ADAR: variants seen among roughly 807,000 people sequenced by gnomAD.
ADAR encodes the protein double-stranded RNA-specific adenosine deaminase.
In ADAR, 41 loss-of-function variants were observed where a neutral mutation model predicts 113.2. The observed-to-expected ratio is 0.36, with a 90% CI of 0.28 to 0.47. ADAR has a LOEUF of 0.47. Ranked by LOEUF, ADAR falls within the 20% of genes least tolerant of loss-of-function variation. The pLI, the probability that ADAR is intolerant of heterozygous loss-of-function variation, is 1.00. For missense variants in ADAR, 1,242 were observed against 1,540.9 expected, an observed-to-expected ratio of 0.81 and a Z score of 3.25; for synonymous variants, 605 against 572.6, an observed-to-expected ratio of 1.06 and a Z score of -0.81.
At chr1:154,605,607 A>G (rs1226183622) in intron 1 of ADAR, among the ~76,000 whole-genome samples, 2 of 152,114 alleles carry the variant, frequency 1.3e-5, no homozygotes, top group East Asian at 3.8e-4. Context: ...CTATGCTTCA[A>G]TCATCTCAAC....
chr1:154,598,658 A>G lies in ADAR; in HGVS notation c.1602-73T>C, dbSNP rs1426305459. The G allele has an allele frequency of 3.3e-6, 5 of 1,531,346 alleles. No homozygotes were observed. In the East Asian group the frequency reaches 1.1e-4, roughly 34 times the overall value. The allele number at this position is 1,531,346 out of a possible 1,614,324, so 94.9% of individuals were successfully genotyped here. On this transcript the variant is annotated intron_variant, in intron 2 of 14. Coordinates refer to ENST00000368474, the MANE Select transcript of ADAR (RefSeq NM_001111.5). ...TTCTGCCTTCTCCAAAGAGACCTTC[A>G]ACCTGGAATTTTCTGCTACGCTAAG...
chr1:154,601,038 T>C lies in ADAR; in HGVS notation c.1601+3A>G. 1 of 1,614,092 alleles carries C rather than the reference T, an allele frequency of 6.2e-7. No homozygotes were observed. Among genetic ancestry groups the C allele is most frequent in the Non-Finnish European group, 8.5e-7 (1 of 1,180,020 alleles). The stretch of plus-strand genomic sequence containing the variant: ...TAGGTACAGTTCCTGGGTGGTCTCT[T>C]ACCGAGGTTCATGGGGTGGTCCACT... On this transcript the variant is annotated splice_donor_region_variant and intron_variant, in intron 2 of 14. Coordinates refer to ENST00000368474, the MANE Select transcript of ADAR (RefSeq NM_001111.5). This position sits in a 1 kb window ranked among gnomAD's most constrained non-coding sequence, Gnocchi z 4.7.
In ADAR at chr1:154,605,902, T is replaced by C. The variant is rs963540154; in HGVS notation, c.15+2090A>G. 7.8e-5 allele frequency: 65 copies of C among 830,672 alleles called. 1 individual carries two copies. Among genetic ancestry groups the C allele is most frequent in the Non-Finnish European group, 9.3e-5 (64 of 688,846 alleles). 51.5% of individuals were successfully genotyped at this position (830,672 alleles called of 1,614,324 possible). A position where few individuals can be genotyped will look rare whatever the true frequency, so the allele number is the denominator to read the frequency against. ...GCTAGAGTCAGTTAAAAGCTAAATG[T>C]TTTTTAAACTGCTACTCTTGGCCCA... On this transcript the variant is annotated intron_variant, in intron 1 of 14. Transcript: ENST00000368474.
At chr1:154,614,697 A>G (rs1267450490) in intron 1 of ADAR, among the ~76,000 whole-genome samples, 1 of 152,218 alleles carries the variant, frequency 6.6e-6, no homozygotes, top group East Asian at 1.9e-4. Flanking sequence ...AAATCTCCCT[A>G]GTCTTAATTG....
chr1:154,604,945 A>C (rs1698099434), intron 1 of ADAR, among the ~76,000 whole-genome samples: 1 of 152,150 alleles, frequency 6.6e-6, no homozygotes, highest in African/African-American at 2.4e-5. Flanking sequence ...CCATAACTCA[A>C]ACAGCACATA....
At chr1:154,612,174 C>A (rs1056048492), upstream of ADAR, among the ~76,000 whole-genome samples, 1 of 152,170 alleles carries the variant, frequency 6.6e-6, no homozygotes, top group Non-Finnish European at 1.5e-5. Flanking sequence ...ATTGGAACAT[C>A]TATCTCCTGT....
At position 154,602,484 on chromosome 1, in the gene ADAR, T is replaced by G; in HGVS notation, c.158A>C (p.Glu53Ala). ...QIEFLKGQLP[E>A]APVIGKQTPS... The stretch of plus-strand genomic sequence containing the variant: ...TGTCTGCTTTCCAATCACCGGTGCT[T>G]CTGGGAGCTGCCCCTTGAGAAATTC... The change falls in exon 2 of 15, where the codon GAA (glutamate) becomes GCA (alanine). Residue 53 changes from glutamate (E) to alanine (A), a missense_variant. Glu to Ala is a moderately radical substitution (Grantham distance 107). This residue lies in a region of ADAR where 462 missense variants were observed against 483.1 expected (regional missense o/e 0.96). Transcript: ENST00000368474. The G allele has an allele frequency of 6.2e-7, 1 of 1,614,146 alleles. No individual in the cohort carries two copies. Among genetic ancestry groups the G allele is most frequent in the Non-Finnish European group, 8.5e-7 (1 of 1,180,000 alleles).
intron 1 of ADAR, among the ~76,000 whole-genome samples, chr1:154,616,704 T>C (rs1698644417): frequency 6.6e-6 from 1 of 152,242 alleles, no homozygotes; most frequent in African/African-American, 2.4e-5. Context: ...TACAAGTGTT[T>C]TGCTTTCAGC....
chr1:154,605,436 A>AT (rs35160350), intron 1 of ADAR, among the ~76,000 whole-genome samples: 87,524 of 146,876 alleles, frequency 0.6, 26,587 homozygotes, highest in South Asian at 0.74. Context: ...GAGCTACTGG[A>AT]TTTTTTTTTT....
At chr1:154,591,207 A>G (rs574863537) in intron 6 of ADAR, among the ~76,000 whole-genome samples, 7 of 152,220 alleles carry the variant, frequency 4.6e-5, no homozygotes, top group Non-Finnish European at 1.0e-4. Context: ...ATTATGAAGT[A>G]TGAGGAAGGC....
At chr1:154,597,035 T>G (rs1697548233) in intron 5 of ADAR, 40 bp from the exon 6 acceptor site, 2 of 1,613,990 alleles carry the variant, frequency 1.2e-6, no homozygotes, top group Non-Finnish European at 1.7e-6. Flanking sequence ...CATAAACACT[T>G]CAGGAAATGT....
chr1:154,618,656 C>T (rs927163567), intron 1 of ADAR, among the ~76,000 whole-genome samples: 1 of 151,550 alleles, frequency 6.6e-6, no homozygotes, highest in Non-Finnish European at 1.5e-5. Context: ...GATGAGGAAC[C>T]AAAAACAGCA....
intron 1 of ADAR, among the ~76,000 whole-genome samples, chr1:154,605,298 A>G (rs1698121205): frequency 6.6e-6 from 1 of 152,060 alleles, no homozygotes; most frequent in Non-Finnish European, 1.5e-5. Flanking sequence ...CCCTTTCCTT[A>G]TAGAGCTCCT....
In ADAR at chr1:154,588,199, T is replaced by G. The variant is rs983707706; in HGVS notation, c.2945A>C (p.Glu982Ala). ...FDKSCSDRAM[E>A]STESRHYPVF... is the part of the protein sequence containing the mutation. ...AGGGTAGTGGCGGGATTCTGTGCTT[T>G]CCATAGCACGGTCGCTGCAGGACTT... Residue 982 changes from glutamate (E) to alanine (A), a missense_variant, in exon 11 of 15, where the codon GAA (glutamate) becomes GCA (alanine). Transcript: ENST00000368474. 1.2e-6 allele frequency: 2 copies of G among 1,613,954 alleles called. No individual in the cohort carries two copies. The highest frequency in any genetic ancestry group is 2.7e-5 in the African/African-American group (2 of 74,922).
At position 154,583,800 on chromosome 1, in the gene ADAR, G is replaced by C. The variant is rs939486683; in HGVS notation, c.*1006C>G. ...GAGAGATATTACACCGGGTGGAACA[G>C]TGACGTTAAGCCAACAGGATTTTTT... On this transcript the variant is annotated 3_prime_UTR_variant, in exon 15 of 15. Transcript: ENST00000368474. 3.0e-4 allele frequency: 46 copies of C among 152,238 alleles called. 1 individual carries two copies. Among genetic ancestry groups the C allele is most frequent in the African/African-American group, 9.9e-4 (41 of 41,462 alleles). The allele number at this position is 152,238 out of a possible 1,614,324, so 9.4% of individuals were successfully genotyped here.
At chr1:154,596,653 T>C (rs1697514309) in intron 6 of ADAR, 152 bp downstream of exon 6, 1 of 805,526 alleles carries the variant, frequency 1.2e-6, no homozygotes. Context: ...GCAGGTCTAT[T>C]GTCTTCTAAG....
rs373667326 is a variant in ADAR, at chr1:154,598,421, G to A, written c.1766C>T (p.Thr589Ile). ...GKSEESSHYS[T>I]EKESEKTAES... is the part of the protein sequence containing the mutation. ...ACCTACCTTCTCTGATTCTTTCTCT[G>A]TGGAATAGTGGGATGATTCTTCTGA... Residue 589 changes from threonine (T) to isoleucine (I), a missense_variant, in exon 3 of 15, where the codon ACA (threonine) becomes ATA (isoleucine). Thr to Ile is a moderately conservative substitution (Grantham distance 89). Around this residue, in one of 2 missense-constraint regions of ADAR, gnomAD observed 780 missense variants for 1,057.9 expected, o/e 0.74. Transcript: ENST00000368474. 6.2e-7 allele frequency: 1 copy of A among 1,614,174 alleles called. No individual in the cohort carries two copies. The highest frequency in any genetic ancestry group is 8.5e-7 in the Non-Finnish European group (1 of 1,180,030).
intron 1 of ADAR, 107 bp from the exon 2 acceptor site, chr1:154,602,733 A>G: frequency 7.2e-7 from 1 of 1,391,566 alleles, no homozygotes; most frequent in African/African-American, 1.4e-5. Flanking sequence ...AGGGCTGAGA[A>G]GGCAATTGAG....
In ADAR at chr1:154,585,306, G is replaced by C. The variant is rs764381126; in HGVS notation, c.3354C>G (p.Ser1118=). ...TGACGCTTGTCTCCTTAGTCTTCCC[G>C]GATTGCCTTTTGGAATCATATATGC... ...RVSIYDSKRQ[S]GKTKETSVNW... The change falls in exon 14 of 15, where the codon TCC becomes TCG. Residue 1118 remains serine (S), a synonymous_variant. Coordinates refer to ENST00000368474, the MANE Select transcript of ADAR (RefSeq NM_001111.5). 1 of 1,614,088 alleles carries C rather than the reference G, an allele frequency of 6.2e-7. No homozygotes were observed. Among genetic ancestry groups the C allele is most frequent in the Non-Finnish European group, 8.5e-7 (1 of 1,180,016 alleles).
Sources: gnomAD v4.1 joint callset for allele counts (sites outside exome capture counted in the v4.1 genomes callset) on GRCh38, gnomAD v4.1.1 for gene constraint, gnomAD v4.1.1 regional missense constraint, Gnocchi (gnomAD v3.1) non-coding constraint, MANE v1.5 for transcripts, NCBI Gene and HGNC (gene_info 2026-07-23, HGNC 2026-07-21) for gene names.